CFAP96: variants seen among roughly 807,000 people sequenced by gnomAD.
CFAP96 encodes cilia and flagella associated protein 96.
chr4:185,410,396 T>C, the CFAP96 span, among the ~76,000 whole-genome samples: 1 of 152,178 alleles, frequency 6.6e-6, no homozygotes, highest in Non-Finnish European at 1.5e-5. Context: ...ATGCCTGTAA[T>C]CCCAGCACTT....
At chr4:185,433,781 A>C in the CFAP96 span, among the ~76,000 whole-genome samples, 1 of 152,062 alleles carries the variant, frequency 6.6e-6, no homozygotes, top group Non-Finnish European at 1.5e-5. Flanking sequence ...GGGCGCCTGT[A>C]ATCCCAGCTA....
chr4:185,448,330 G>A, the CFAP96 span, among the ~76,000 whole-genome samples: 1 of 152,214 alleles, frequency 6.6e-6, no homozygotes, highest in African/African-American at 2.4e-5. Context: ...CACTGCGCCC[G>A]GTCAGAAATA....
chr4:185,432,058 A>AG, the CFAP96 span: 1 of 1,551,714 alleles, frequency 6.4e-7, no homozygotes, highest in Middle Eastern at 1.7e-4. Context: ...ATCTTCAGGC[A>AG]GGTTATTTTG....
chr4:185,442,249 T>C, the CFAP96 span, among the ~76,000 whole-genome samples: 2 of 152,144 alleles, frequency 1.3e-5, no homozygotes, highest in Non-Finnish European at 2.9e-5. Flanking sequence ...AGAACTTTGA[T>C]ATTTTGTTAT....
At chr4:185,433,374 G>A in the CFAP96 span, among the ~76,000 whole-genome samples, 2 of 138,980 alleles carry the variant, frequency 1.4e-5, no homozygotes, top group African/African-American at 5.4e-5. Context: ...TCCAGCCTGG[G>A]TGACAGACTG....
At chr4:185,421,407 T>C in the CFAP96 span, among the ~76,000 whole-genome samples, 13 of 152,188 alleles carry the variant, frequency 8.5e-5, 1 homozygote, top group Admixed American at 5.9e-4. Flanking sequence ...TGGGAGGTGT[T>C]TGAATCATGA....
chr4:185,443,191 C>T, the CFAP96 span, among the ~76,000 whole-genome samples: 3 of 151,258 alleles, frequency 2.0e-5, no homozygotes, highest in African/African-American at 4.9e-5. Context: ...TCAATTCTTA[C>T]ATTTCTTTCT....
chr4:185,441,766 A>G, the CFAP96 span, among the ~76,000 whole-genome samples: 1 of 151,872 alleles, frequency 6.6e-6, no homozygotes, highest in Non-Finnish European at 1.5e-5. Context: ...TGAGGTAAGA[A>G]TCCAGCTTTT....
At chr4:185,435,961 ATC>A in the CFAP96 span, 1 of 1,074,222 alleles carries the variant, frequency 9.3e-7, no homozygotes, top group Non-Finnish European at 1.3e-6. Flanking sequence ...CTTTTTTTCA[ATC>A]TGTTTAAAAA....
the CFAP96 span, among the ~76,000 whole-genome samples, chr4:185,424,115 A>G: frequency 6.7e-6 from 1 of 148,784 alleles, no homozygotes; most frequent in Non-Finnish European, 1.5e-5. Context: ...CAGACTGGGC[A>G]ACATAGGAAG....
the CFAP96 span, chr4:185,415,062 A>G: frequency 7.2e-6 from 8 of 1,107,342 alleles, no homozygotes; most frequent in Non-Finnish European, 1.0e-5. Flanking sequence ...GTTAAATCAC[A>G]AAATACCTTC....
chr4:185,409,938 A>AGG, the CFAP96 span, among the ~76,000 whole-genome samples: 1 of 152,200 alleles, frequency 6.6e-6, no homozygotes, highest in Non-Finnish European at 1.5e-5. Flanking sequence ...GAGCCTATGG[A>AGG]GGGAAGGTGG....
the CFAP96 span, chr4:185,445,353 C>T: frequency 1.3e-6 from 1 of 749,868 alleles, no homozygotes; most frequent in South Asian, 2.0e-5. Context: ...GTTATCTGCA[C>T]CAAACCATTC....
the CFAP96 span, among the ~76,000 whole-genome samples, chr4:185,437,594 T>A: frequency 1.3e-5 from 2 of 152,170 alleles, no homozygotes; most frequent in East Asian, 3.8e-4. Context: ...AGGAACAGTT[T>A]TCTATTAAAT....
the CFAP96 span, among the ~76,000 whole-genome samples, chr4:185,438,511 T>C: frequency 1.3e-5 from 2 of 152,224 alleles, no homozygotes; most frequent in Non-Finnish European, 1.5e-5. Flanking sequence ...CCCTTTTCTG[T>C]TAATGCTAAC....
At chr4:185,442,926 A>G in the CFAP96 span, among the ~76,000 whole-genome samples, 1 of 152,160 alleles carries the variant, frequency 6.6e-6, no homozygotes, top group East Asian at 1.9e-4. Context: ...TTATTTGCTA[A>G]TATTTTATTA....
chr4:185,436,113 C>G, the CFAP96 span: 1 of 1,551,156 alleles, frequency 6.4e-7, no homozygotes, highest in Non-Finnish European at 8.7e-7. Flanking sequence ...ACAGTCAAAA[C>G]CTCGAGAAAA....
chr4:185,438,025 C>T, the CFAP96 span, among the ~76,000 whole-genome samples: 1 of 151,678 alleles, frequency 6.6e-6, no homozygotes, highest in Non-Finnish European at 1.5e-5. Context: ...TTTTATGACT[C>T]ATTTAAGCAG....
the CFAP96 span, chr4:185,425,961 G>C: frequency 6.8e-7 from 1 of 1,465,392 alleles, no homozygotes; most frequent in Non-Finnish European, 9.3e-7. Flanking sequence ...CCCAGGGGCG[G>C]GGCCCGGGCG....
Sources: allele counts gnomAD v4.1 joint callset (sites outside exome capture counted in the v4.1 genomes callset), GRCh38; gene constraint gnomAD v4.1.1; transcripts MANE v1.5; gene names NCBI Gene and HGNC (gene_info 2026-07-23, HGNC 2026-07-21).